The following RTN1 variants were observed in gnomAD, a reference collection of about 807,000 sequenced individuals.
RTN1 encodes the protein reticulon 1, also known as reticulon-1.
In RTN1, 25 loss-of-function variants were observed where a neutral mutation model predicts 65.5. The ratio of observed to expected loss-of-function variants is 0.38; its 90% confidence interval spans 0.28 to 0.53. RTN1 has a LOEUF of 0.53. Among genes scored for constraint, RTN1 ranks in the 20% least tolerant of loss-of-function variants. The pLI is 0.79. For synonymous variants in RTN1, 471 were observed against 447.6 expected, an observed-to-expected ratio of 1.05 and a Z score of -0.66; for missense variants, 983 against 1,025.4, an observed-to-expected ratio of 0.96 and a Z score of 0.57.
chr14:59,850,587 G>C lies in RTN1; in HGVS notation c.241+19803C>G, dbSNP rs118057840. 7.6e-3 allele frequency among the ~76,000 whole-genome samples: 1,153 copies of C among 152,332 alleles called. 11 individuals are homozygous for C. Among genetic ancestry groups the C allele is most frequent in the East Asian group, 0.02 (103 of 5,188 alleles). On this transcript the variant is annotated intron_variant, in intron 1 of 8. Transcript: ENST00000267484. ...ATAATAAAGAGAGCATGAGACTCAG[G>C]TGTCAGAGATATGGCTTTGGCCTTG...
intron 3 of RTN1, among the ~76,000 whole-genome samples, chr14:59,691,606 C>G (rs573022790): frequency 6.6e-6 from 1 of 152,200 alleles, no homozygotes; most frequent in South Asian, 2.1e-4. Flanking sequence ...ACCCTGATAT[C>G]AAAACCTGGC....
chr14:59,817,183 A>G (rs1474259515), intron 1 of RTN1, among the ~76,000 whole-genome samples: 3 of 152,138 alleles, frequency 2.0e-5, no homozygotes, highest in African/African-American at 7.2e-5. Context: ...CTGTTCTCAC[A>G]GGACCTCTTA....
At chr14:59,664,474 G>A (rs1191865240) in intron 3 of RTN1, among the ~76,000 whole-genome samples, 3 of 151,728 alleles carry the variant, frequency 2.0e-5, no homozygotes, top group African/African-American at 4.8e-5. Context: ...AATAAAAAAA[G>A]TCACAAAATA....
chr14:59,858,953 AC>A lies in RTN1; in HGVS notation c.241+11436del, dbSNP rs1191106163. Among the ~76,000 whole-genome samples the A allele has an allele frequency of 2.6e-5, 4 of 152,320 alleles. No homozygotes were observed. The East Asian group carries it at 7.7e-4, about 29-fold the overall frequency. ...TTTATATTTATGTTAATAATCCAAA[AC>A]TGGATAAAATTATATAGTTCTTAAG... On this transcript the variant is annotated intron_variant, in intron 1 of 8. Transcript: ENST00000267484.
intron 3 of RTN1, among the ~76,000 whole-genome samples, chr14:59,658,469 A>G (rs1883172392): frequency 6.6e-6 from 1 of 152,080 alleles, no homozygotes; most frequent in Non-Finnish European, 1.5e-5. Context: ...GTCAACAGAC[A>G]CCTCATACAG....
At chr14:59,853,874 T>C (rs1462303716) in intron 1 of RTN1, among the ~76,000 whole-genome samples, 5 of 150,288 alleles carry the variant, frequency 3.3e-5, no homozygotes, top group East Asian at 1.9e-4. Flanking sequence ...TTTTTTTTTT[T>C]TTTTTTTTGA....
At chr14:59,859,542 C>T (rs1887668698) in intron 1 of RTN1, among the ~76,000 whole-genome samples, 1 of 152,094 alleles carries the variant, frequency 6.6e-6, no homozygotes, top group Non-Finnish European at 1.5e-5. Context: ...AAGTGGGGTG[C>T]TGCTGAAAAG....
At chr14:59,628,539 A>G (rs1882460552) in intron 3 of RTN1, among the ~76,000 whole-genome samples, 1 of 152,222 alleles carries the variant, frequency 6.6e-6, no homozygotes, top group Non-Finnish European at 1.5e-5. Context: ...CCACCCAGTT[A>G]CTTATTAGTC....
intron 3 of RTN1, among the ~76,000 whole-genome samples, chr14:59,712,142 G>A (rs1432657143): frequency 6.6e-6 from 1 of 152,198 alleles, no homozygotes; most frequent in African/African-American, 2.4e-5. Context: ...GTTTGTTACT[G>A]TAGTATGGCC....
intron 1 of RTN1, among the ~76,000 whole-genome samples, chr14:59,777,798 AAACAACAAC>A (rs778447347): frequency 3.7e-4 from 56 of 149,962 alleles, no homozygotes; most frequent in Non-Finnish European, 7.3e-4. Flanking sequence ...AGTCAAGACA[AAACAACAAC>A]AACAACAACA....
intron 1 of RTN1, among the ~76,000 whole-genome samples, chr14:59,758,459 G>A (rs1885683788): frequency 6.6e-6 from 1 of 152,114 alleles, no homozygotes; most frequent in Non-Finnish European, 1.5e-5. Context: ...ACCTGCTCAA[G>A]CCCACAAACA....
intron 3 of RTN1, among the ~76,000 whole-genome samples, chr14:59,659,123 G>T (rs1224561266): frequency 4.6e-5 from 7 of 151,768 alleles, no homozygotes; most frequent in African/African-American, 1.7e-4. Flanking sequence ...TCAAGTGGAA[G>T]AAAGGATATC....
At chr14:59,663,642 A>G (rs2140208967) in intron 3 of RTN1, among the ~76,000 whole-genome samples, 1 of 125,554 alleles carries the variant, frequency 8.0e-6, no homozygotes, top group East Asian at 2.2e-4. Context: ...ACAAGAAAAA[A>G]AAAACCATCA....
At chr14:59,848,514 T>A (rs1209105933) in intron 1 of RTN1, among the ~76,000 whole-genome samples, 1 of 152,260 alleles carries the variant, frequency 6.6e-6, no homozygotes, top group African/African-American at 2.4e-5. Context: ...TGAAGGTTTT[T>A]GCTGATTATT....
chr14:59,802,315 A>C (rs1886561597), intron 1 of RTN1, among the ~76,000 whole-genome samples: 2 of 152,234 alleles, frequency 1.3e-5, no homozygotes, highest in Admixed American at 6.5e-5. Flanking sequence ...TGACACGCAG[A>C]ATTTCAGGTT....
At chr14:59,725,989 G>A (rs941833911) in intron 3 of RTN1, among the ~76,000 whole-genome samples, 1 of 152,128 alleles carries the variant, frequency 6.6e-6, no homozygotes, top group African/African-American at 2.4e-5. Flanking sequence ...AGTTGTTAGG[G>A]TTTGTTTTAA....
chr14:59,638,830 G>C lies in RTN1; in HGVS notation c.1766-31338C>G, dbSNP rs764334435. Among the ~76,000 whole-genome samples the C allele has an allele frequency of 2.6e-5, 4 of 152,198 alleles. No individual in the cohort carries two copies. The South Asian group carries it at 8.3e-4, about 32-fold the overall frequency. On this transcript the variant is annotated intron_variant, in intron 3 of 8. Coordinates refer to ENST00000267484, the MANE Select transcript of RTN1 (RefSeq NM_021136.3). ...CTTTCTCCATATCAGCAATGAGGCT[G>C]TTTTGCTTTCTTATCAATCATGTGT...
chr14:59,813,896 C>T (rs1360372650), intron 1 of RTN1, among the ~76,000 whole-genome samples: 2 of 151,632 alleles, frequency 1.3e-5, no homozygotes, highest in Non-Finnish European at 2.9e-5. Context: ...TACTGATAGA[C>T]GTCATGATCA....
rs1883302654 is a variant in RTN1 at position 59,663,720 on chromosome 14, GA to G, written c.1766-56229del. Among the ~76,000 whole-genome samples, 11 of 152,004 alleles carry G rather than the reference GA, an allele frequency of 7.2e-5. No individual in the cohort carries two copies. The South Asian group carries it at 2.3e-3, about 32-fold the overall frequency. The stretch of plus-strand genomic sequence containing the variant: ...ACATTTATGCAGCCAACAAACATAT[GA>G]AAAAAAGCTCAGCATCACTGGTCAT... On this transcript the variant is annotated intron_variant, in intron 3 of 8. Transcript: ENST00000267484.
Sources: allele counts gnomAD v4.1 joint callset (sites outside exome capture counted in the v4.1 genomes callset), GRCh38; gene constraint gnomAD v4.1.1; transcripts MANE v1.5; gene names NCBI Gene and HGNC (gene_info 2026-07-23, HGNC 2026-07-21).